Variants in FAM222B observed in about 807,000 individuals in gnomAD.
FAM222B encodes the protein protein FAM222B.
In FAM222B, 12 loss-of-function variants were observed where a neutral mutation model predicts 38.0. That is an observed-to-expected ratio of 0.32 (90% CI 0.20 to 0.51). The LOEUF (loss-of-function observed/expected upper bound fraction) is 0.51. FAM222B is among the 20% of genes least tolerant of loss of function. FAM222B has a pLI of 0.97. For missense variants in FAM222B, 716 were observed against 754.2 expected (o/e 0.95, Z 0.59); for synonymous variants, 329 against 317.2 (o/e 1.04, Z -0.40).
In FAM222B at chr17:28,755,981, AG is replaced by A. The variant is rs1234221479; in HGVS notation, c.*2288del. The A allele has an allele frequency of 1.5e-4, 23 of 152,742 alleles. No homozygotes were observed. Among genetic ancestry groups the A allele is most frequent in the Non-Finnish European group, 3.4e-4 (23 of 68,044 alleles). The allele number at this position is 152,742 out of a possible 1,614,324, so 9.5% of individuals were successfully genotyped here. A position where few individuals can be genotyped will look rare whatever the true frequency, so the allele number is the denominator to read the frequency against. On this transcript the variant is annotated 3_prime_UTR_variant, in exon 3 of 3. Transcript: ENST00000581407. ...ACGAATAGAACAAGGTCAGAAAGCG[AG>A]GTTTTCTTATTTTTACTGGTTTATA...
At chr17:28,838,074 T>C (rs2038911020) in intron 1 of FAM222B, among the ~76,000 whole-genome samples, 1 of 151,592 alleles carries the variant, frequency 6.6e-6, no homozygotes, top group Non-Finnish European at 1.5e-5. Flanking sequence ...GAGACCAGAC[T>C]GGCCAGCATG....
At chr17:28,831,993 T>A (rs2038684127) in intron 1 of FAM222B, among the ~76,000 whole-genome samples, 1 of 151,992 alleles carries the variant, frequency 6.6e-6, no homozygotes, top group African/African-American at 2.4e-5. Context: ...ATCGAGACCA[T>A]CCTGGCTAAC....
chr17:28,811,860 C>A (rs1225634739), intron 1 of FAM222B, among the ~76,000 whole-genome samples: 1 of 152,150 alleles, frequency 6.6e-6, no homozygotes, highest in Admixed American at 6.6e-5. Context: ...TTAATGGACA[C>A]GCATGGAGTA....
At chr17:28,840,614 C>T (rs1188036635) in intron 1 of FAM222B, among the ~76,000 whole-genome samples, 3 of 152,172 alleles carry the variant, frequency 2.0e-5, no homozygotes, top group East Asian at 1.9e-4. Flanking sequence ...GACAGGTCCC[C>T]GGAGCAGCCA....
At chr17:28,778,005 G>A (rs2035970633) in intron 1 of FAM222B, among the ~76,000 whole-genome samples, 1 of 136,776 alleles carries the variant, frequency 7.3e-6, no homozygotes, top group Non-Finnish European at 1.5e-5. Flanking sequence ...GCCCAGGCTG[G>A]ACTTTTTTTT....
chr17:28,807,583 A>G (rs980547687), intron 1 of FAM222B, among the ~76,000 whole-genome samples: 3 of 150,628 alleles, frequency 2.0e-5, no homozygotes, highest in African/African-American at 7.3e-5. Context: ...ATGAGGTTTC[A>G]CCATGTTGGT....
chr17:28,797,457 C>A (rs1174508181), intron 1 of FAM222B, among the ~76,000 whole-genome samples: 1 of 152,084 alleles, frequency 6.6e-6, no homozygotes, highest in Non-Finnish European at 1.5e-5. Context: ...ACATAAAGAA[C>A]AATTTGATCT....
upstream of FAM222B, among the ~76,000 whole-genome samples, chr17:28,845,178 GA>G (rs1323510630): frequency 6.6e-6 from 1 of 151,382 alleles, no homozygotes; most frequent in African/African-American, 2.4e-5. Flanking sequence ...GAGGTGGGCG[GA>G]TCACGAGGTC....
chr17:28,763,092 G>T (rs535780819), intron 2 of FAM222B, among the ~76,000 whole-genome samples: 1 of 152,280 alleles, frequency 6.6e-6, no homozygotes, highest in Non-Finnish European at 1.5e-5. Flanking sequence ...TATACCAATA[G>T]TGTCATTAAT....
At chr17:28,839,067 C>T (rs749126485) in intron 1 of FAM222B, among the ~76,000 whole-genome samples, 2 of 151,928 alleles carry the variant, frequency 1.3e-5, no homozygotes, top group Non-Finnish European at 2.9e-5. Context: ...ATTAGCCAGG[C>T]ATGGTGGCGG....
upstream of FAM222B, among the ~76,000 whole-genome samples, chr17:28,844,349 C>G (rs1250384306): frequency 6.6e-6 from 1 of 152,054 alleles, no homozygotes; most frequent in African/African-American, 2.4e-5. Context: ...GTTGAGTGCT[C>G]AATGAGGAAT....
At chr17:28,828,959 A>G (rs564924217) in intron 1 of FAM222B, among the ~76,000 whole-genome samples, 71 of 151,788 alleles carry the variant, frequency 4.7e-4, no homozygotes, top group African/African-American at 1.7e-3. Flanking sequence ...GCTGAAGTGC[A>G]GTATGGCGCC....
intron 1 of FAM222B, among the ~76,000 whole-genome samples, chr17:28,768,699 G>A (rs1343262316): frequency 6.6e-6 from 1 of 152,032 alleles, no homozygotes; most frequent in African/African-American, 2.4e-5. Flanking sequence ...AGCTGGGCAT[G>A]GTGGCGCATG....
At chr17:28,833,098 G>A (rs1304692743) in intron 1 of FAM222B, among the ~76,000 whole-genome samples, 5 of 151,662 alleles carry the variant, frequency 3.3e-5, no homozygotes, top group East Asian at 3.9e-4. Context: ...TGAGGCAGGC[G>A]GATAACAAGG....
intron 1 of FAM222B, among the ~76,000 whole-genome samples, chr17:28,768,836 CAAAAAAAAAAAA>C (rs71359249): frequency 4.2e-5 from 3 of 70,878 alleles, no homozygotes; most frequent in African/African-American, 1.1e-4. Context: ...AACTCTGTCT[CAAAAAAAAAAAA>C]AAAAAAAAAA....
At chr17:28,816,410 ATC>A (rs1342135838) in intron 1 of FAM222B, among the ~76,000 whole-genome samples, 1 of 152,206 alleles carries the variant, frequency 6.6e-6, no homozygotes, top group African/African-American at 2.4e-5. Context: ...AAACATAAAC[ATC>A]TCTCAAAAAT....
chr17:28,815,095 T>C (rs1001791329), intron 1 of FAM222B, among the ~76,000 whole-genome samples: 3 of 151,618 alleles, frequency 2.0e-5, no homozygotes, highest in African/African-American at 7.3e-5. Flanking sequence ...TTTAAACACA[T>C]ATAAATATAC....
intron 1 of FAM222B, among the ~76,000 whole-genome samples, chr17:28,820,951 TTTTTA>T (rs1264847823): frequency 6.7e-6 from 1 of 148,638 alleles, no homozygotes; most frequent in East Asian, 2.0e-4. Context: ...GGTAAAACTC[TTTTTA>T]TTTTATTTTT....
chr17:28,759,285 G>A lies in FAM222B; in HGVS notation c.674C>T (p.Pro225Leu), dbSNP rs759360952. The A allele has an allele frequency of 1.6e-5, 25 of 1,612,822 alleles. No homozygotes were observed. Among genetic ancestry groups the A allele is most frequent in the African/African-American group, 4.0e-5 (3 of 74,918 alleles). Residue 225 changes from proline to leucine, a missense_variant, in exon 3 of 3, where the codon CCC becomes CTC. Physicochemically the swap from Pro to Leu is moderately conservative, Grantham distance 98. Transcript: ENST00000581407. This position sits in a 1 kb window ranked among gnomAD's most constrained non-coding sequence, Gnocchi z 4.8. The stretch of plus-strand genomic sequence containing the variant: ...CATCTTCCGGCCTCCATGCAGCAAG[G>A]GATTGTGGGGGTGCTGGAGACCCTG... Reference protein sequence around the residue: ...AHQGLQHPHNPLLHGGRKMPD... With the variant: ...AHQGLQHPHNLLLHGGRKMPD...
Sources: allele counts gnomAD v4.1 joint callset (sites outside exome capture counted in the v4.1 genomes callset), GRCh38; gene constraint gnomAD v4.1.1; non-coding constraint Gnocchi (gnomAD v3.1); transcripts MANE v1.5; gene names NCBI Gene and HGNC (gene_info 2026-07-23, HGNC 2026-07-21).